FRMPD4: variants seen among roughly 807,000 people sequenced by gnomAD.
The protein encoded by FRMPD4 is FERM and PDZ domain containing 4, also known as FERM and PDZ domain-containing protein 4.
Under a neutral mutation model 94.1 loss-of-function variants are expected in FRMPD4, and 22 were observed. The observed-to-expected ratio is 0.23, with a 90% CI of 0.17 to 0.33. The LOEUF (loss-of-function observed/expected upper bound fraction) is 0.33, where lower values mean the gene tolerates loss of function less well. Among genes scored for constraint, FRMPD4 ranks in the 10% least tolerant of loss-of-function variants. The probability of loss-of-function intolerance (pLI) is 1.00; values close to 1 mark genes in which losing one functional copy is unlikely to be tolerated. For missense variants in FRMPD4, 1,111 were observed against 1,339.9 expected (o/e 0.83, Z 2.67); for synonymous variants, 631 against 548.6 (o/e 1.15, Z -2.10).
Position 12,374,040 on chromosome X carries a change from C to T in FRMPD4, c.42-124640C>T, listed in dbSNP as rs189734401. 5.9e-3 allele frequency among the ~76,000 whole-genome samples: 658 copies of T among 111,795 alleles called. 4 individuals carry two copies. The highest frequency in any genetic ancestry group is 0.021 in the African/African-American group (640 of 30,745). On this transcript the variant is annotated intron_variant, in intron 1 of 16. Transcript: ENST00000675598. The stretch of plus-strand genomic sequence containing the variant: ...TAGCTCTCCCTGAATTTCCCCAAAG[C>T]CTTAAATTCAGTTTGCCTTTCCTTA...
chrX:12,559,476 G>A (rs371406339), intron 2 of FRMPD4, among the ~76,000 whole-genome samples: 3 of 110,386 alleles, frequency 2.7e-5, no homozygotes, highest in Admixed American at 9.6e-5. Flanking sequence ...ATAGTGAAAC[G>A]CCATCTCTAC....
chrX:12,226,231 A>G (rs1055056828), intron 1 of FRMPD4, among the ~76,000 whole-genome samples: 2 of 111,316 alleles, frequency 1.8e-5, no homozygotes, highest in African/African-American at 6.5e-5. Context: ...CAGCCTCCCA[A>G]GTAGCTGGGA....
intron 3 of FRMPD4, among the ~76,000 whole-genome samples, chrX:11,889,501 T>A (rs759240096): frequency 7.5e-4 from 84 of 112,421 alleles, no homozygotes; most frequent in African/African-American, 2.6e-3. Context: ...GCCCTCCAGT[T>A]AATAGGCATA....
chrX:11,856,185 A>G (rs60212557), intron 1 of FRMPD4, among the ~76,000 whole-genome samples: 5,337 of 111,364 alleles, frequency 0.048, 309 homozygotes, highest in African/African-American at 0.17. Context: ...CACCCCCATG[A>G]TTCAATTATC....
intron 1 of FRMPD4, among the ~76,000 whole-genome samples, chrX:12,477,510 C>G (rs2057618447): frequency 8.9e-6 from 1 of 112,457 alleles, no homozygotes; most frequent in African/African-American, 3.2e-5. Context: ...GAAAGCCTCT[C>G]TATGCTGGGC....
At chrX:12,381,613 A>ATCTT (rs2148022401) in intron 1 of FRMPD4, among the ~76,000 whole-genome samples, 1 of 112,203 alleles carries the variant, frequency 8.9e-6, no homozygotes, top group South Asian at 3.8e-4. Flanking sequence ...GCATCTTAGC[A>ATCTT]TCTTATTTAG....
At chrX:12,117,179 C>T (rs1011734332) in intron 3 of FRMPD4, among the ~76,000 whole-genome samples, 1 of 111,850 alleles carries the variant, frequency 8.9e-6, no homozygotes, top group Non-Finnish European at 1.9e-5. Context: ...GCATGTATAT[C>T]GTATGATCTT....
chrX:12,473,205 GC>G (rs1396122545), intron 1 of FRMPD4, among the ~76,000 whole-genome samples: 4 of 109,436 alleles, frequency 3.7e-5, no homozygotes, highest in African/African-American at 1.4e-4. Context: ...TTCATAACCA[GC>G]CAAGCTAACC....
At position 11,973,782 on chromosome X, in the gene FRMPD4, C is replaced by A. The variant is rs1004687303; in HGVS notation, c.95+95764C>A. On this transcript the variant is annotated intron_variant, in intron 3 of 18. Coordinates refer to the FRMPD4 transcript ENST00000640291. Reference sequence around the variant, plus strand: ...ACTGGTGATAAGGAGTGCTATATAACGCTAAGGAATAGGCAGGAAAATATG... The same window carrying A: ...ACTGGTGATAAGGAGTGCTATATAAAGCTAAGGAATAGGCAGGAAAATATG... Among the ~76,000 whole-genome samples, 3 of 111,750 alleles carry A rather than the reference C, an allele frequency of 2.7e-5. No individual in the cohort carries two copies. In the Admixed American group the frequency reaches 2.8e-4, roughly 11 times the overall value.
chrX:12,665,002 T>C (rs954328627), intron 4 of FRMPD4, among the ~76,000 whole-genome samples: 2 of 112,114 alleles, frequency 1.8e-5, no homozygotes, highest in South Asian at 3.7e-4. Context: ...GAGGTGTTGA[T>C]AGTATTCTCT....
chrX:12,719,409 G>T (rs929774602), intron 16 of FRMPD4, among the ~76,000 whole-genome samples: 2 of 112,118 alleles, frequency 1.8e-5, no homozygotes, highest in African/African-American at 6.5e-5. Flanking sequence ...GTAGAAAAAA[G>T]AACACATCCA....
intron 3 of FRMPD4, among the ~76,000 whole-genome samples, chrX:12,131,619 G>A (rs1400113825): frequency 9.0e-6 from 1 of 110,534 alleles, no homozygotes; most frequent in African/African-American, 3.3e-5. Flanking sequence ...TATCCTTTAG[G>A]GCAATCAAAT....
intron 3 of FRMPD4, among the ~76,000 whole-genome samples, chrX:12,005,635 C>T (rs1282333141): frequency 8.9e-6 from 1 of 111,870 alleles, no homozygotes; most frequent in African/African-American, 3.2e-5. Context: ...CATGTGAGCC[C>T]TCAGCAAATG....
chrX:11,925,156 T>C (rs1301172167), intron 3 of FRMPD4, among the ~76,000 whole-genome samples: 1 of 101,618 alleles, frequency 9.8e-6, no homozygotes, highest in Non-Finnish European at 2.0e-5. Context: ...AAAAAAAACA[T>C]GAAGAAGGGC....
chrX:12,229,369 G>C (rs934871211), intron 1 of FRMPD4, among the ~76,000 whole-genome samples: 2 of 111,827 alleles, frequency 1.8e-5, no homozygotes, highest in African/African-American at 6.5e-5. Flanking sequence ...ATATACTTAT[G>C]TCATAGGATG....
At chrX:11,858,796 G>T (rs1380481074) in intron 1 of FRMPD4, among the ~76,000 whole-genome samples, 2 of 111,464 alleles carry the variant, frequency 1.8e-5, no homozygotes, top group African/African-American at 6.5e-5. Context: ...TTAAAAGAAT[G>T]CTTACTATGA....
At chrX:12,219,083 T>G (rs771033965) in intron 1 of FRMPD4, among the ~76,000 whole-genome samples, 7 of 112,053 alleles carry the variant, frequency 6.2e-5, no homozygotes, top group Non-Finnish European at 9.4e-5. Flanking sequence ...TTAAAAATGA[T>G]TTGGGCTGGG....
At chrX:11,895,234 A>G (rs894804675) in intron 3 of FRMPD4, among the ~76,000 whole-genome samples, 2 of 111,779 alleles carry the variant, frequency 1.8e-5, no homozygotes, top group African/African-American at 3.3e-5. Context: ...CCTGGCTTCT[A>G]CGCACTAGAT....
At position 12,499,010 on chromosome X, in the gene FRMPD4, T is replaced by C. The variant is rs752912372; in HGVS notation, c.158+214T>C. Among the ~76,000 whole-genome samples the C allele has an allele frequency of 2.7e-5, 3 of 111,070 alleles. No homozygotes were observed. In the South Asian group the frequency reaches 1.1e-3, roughly 42 times the overall value. ...ATTTCTATATATTGTGATGTTGGGT[T>C]GCTTCATTCTTCGACAGGCACCATC... is the stretch of plus-strand genomic sequence containing the variant. On this transcript the variant is annotated intron_variant, in intron 2 of 16. Coordinates refer to ENST00000675598, the MANE Select transcript of FRMPD4 (RefSeq NM_001368397.1).
Sources: allele counts gnomAD v4.1 joint callset (sites outside exome capture counted in the v4.1 genomes callset), GRCh38; gene constraint gnomAD v4.1.1; transcripts MANE v1.5; gene names NCBI Gene and HGNC (gene_info 2026-07-23, HGNC 2026-07-21).